Variants in CTBP2 observed in about 807,000 individuals in gnomAD.
CTBP2 encodes C-terminal binding protein 2.
In CTBP2, 30 loss-of-function variants were observed where a neutral mutation model predicts 80.3. The ratio of observed to expected loss-of-function variants is 0.37; its 90% CI spans 0.28 to 0.51. The LOEUF is 0.51. Among genes scored for constraint, CTBP2 ranks in the 20% least tolerant of loss-of-function variants. The pLI, the probability that CTBP2 is intolerant of heterozygous loss-of-function variation, is 0.93. For synonymous variants in CTBP2, 594 were observed against 587.4 expected (o/e 1.01, Z -0.16); for missense variants, 1,212 against 1,375.3 (o/e 0.88, Z 1.88).
At chr10:125,029,398 C>T (rs145354561), upstream of CTBP2, among the ~76,000 whole-genome samples, 333 of 152,176 alleles carry the variant, frequency 2.2e-3, 1 homozygote, top group African/African-American at 7.0e-3. Flanking sequence ...TGCACCACCA[C>T]ACCCAGCTAA....
At chr10:125,023,620 G>A (rs1187517695) in intron 1 of CTBP2, among the ~76,000 whole-genome samples, 1 of 152,164 alleles carries the variant, frequency 6.6e-6, no homozygotes. Context: ...CACCGGGGCT[G>A]GTGGGCCGCA....
chr10:124,984,840 G>C lies in CTBP2; in HGVS notation c.*4678C>G. 6.2e-7 allele frequency: 1 copy of C among 1,613,914 alleles called. No homozygotes were observed. Among genetic ancestry groups the C allele is most frequent in the Middle Eastern group, 1.6e-4 (1 of 6,062 alleles). On this transcript the variant is annotated 3_prime_UTR_variant, in exon 9 of 9. Coordinates refer to ENST00000309035, the MANE Select transcript of CTBP2 (RefSeq NM_022802.3). The stretch of plus-strand genomic sequence containing the variant: ...GCTGGACTGCTGTGTGACGGAGGGG[G>C]GAGTTCTGGTTGCCATGCAGAAGAG...
chr10:124,988,030 GTAGAT>G lies in CTBP2; in HGVS notation c.*1483_*1487del, dbSNP rs899310364. On this transcript the variant is annotated 3_prime_UTR_variant, in exon 9 of 9. Coordinates refer to ENST00000309035, the MANE Select transcript of CTBP2 (RefSeq NM_022802.3). The stretch of plus-strand genomic sequence containing the variant: ...CAGGTCCAGGTCATTTTGCTTTGGG[GTAGAT>G]TAAAGTCAGAACTCTAAAAGTTGAG... 8 of 152,390 alleles carry G rather than the reference GTAGAT, an allele frequency of 5.2e-5. No homozygotes were observed. Among genetic ancestry groups the G allele is most frequent in the African/African-American group, 1.2e-4 (5 of 41,316 alleles). The allele number at this position is 152,390 out of a possible 1,614,324, so 9.4% of individuals were successfully genotyped here. A position where few individuals can be genotyped will look rare whatever the true frequency, so the allele number is the denominator to read the frequency against.
chr10:125,083,180 G>A (rs1418376476), intron 2 of CTBP2, among the ~76,000 whole-genome samples: 2 of 152,192 alleles, frequency 1.3e-5, no homozygotes, highest in African/African-American at 4.8e-5. Flanking sequence ...CTGCCTTCAC[G>A]TCGCAAGTTT....
At chr10:125,128,941 T>C (rs751318374) in intron 1 of CTBP2, among the ~76,000 whole-genome samples, 8 of 152,088 alleles carry the variant, frequency 5.3e-5, no homozygotes, top group Non-Finnish European at 8.8e-5. Flanking sequence ...TGCGGTCGAG[T>C]CATTCAGTGG....
intron 2 of CTBP2, among the ~76,000 whole-genome samples, chr10:125,070,074 G>C (rs1425911441): frequency 1.3e-5 from 2 of 151,748 alleles, no homozygotes; most frequent in African/African-American, 4.8e-5. Flanking sequence ...ATACCGGCTG[G>C]GCACGGGTGG....
Position 124,985,269 on chromosome 10 carries a change from T to TA in CTBP2, c.*4248dup, listed in dbSNP as rs150736900. The TA allele has an allele frequency of 3.7e-3, 1,263 of 338,474 alleles. 16 individuals are homozygous for TA. The highest frequency in any genetic ancestry group is 0.024 in the African/African-American group (1,162 of 47,636). 21.0% of individuals were successfully genotyped at this position (338,474 alleles called of 1,614,324 possible). ...CAAATTGTAAATCTGTCTATAAATG[T>TA]AACGCATGTGGTTGTGTAAGACATT... On this transcript the variant is annotated 3_prime_UTR_variant, in exon 9 of 9. Transcript: ENST00000309035.
chr10:125,003,077 T>A lies in CTBP2; in HGVS notation c.1861A>T (p.Met621Leu). The stretch of plus-strand genomic sequence containing the variant: ...CTGGTGAGGGTGATGGTGTGGTACA[T>A]CATGGCGCCCACGGCTTCGTTTAGA... Residue 621 changes from methionine to leucine, a missense_variant, in exon 3 of 9, where the codon ATG (methionine) becomes TTG (leucine). Coordinates refer to ENST00000309035, the MANE Select transcript of CTBP2 (RefSeq NM_022802.3). 6.2e-7 allele frequency: 1 copy of A among 1,614,024 alleles called. No homozygotes were observed. Among genetic ancestry groups the A allele is most frequent in the South Asian group, 1.1e-5 (1 of 91,084 alleles).
At chr10:125,060,922 G>A (rs1964854043) in intron 2 of CTBP2, among the ~76,000 whole-genome samples, 2 of 152,196 alleles carry the variant, frequency 1.3e-5, no homozygotes, top group South Asian at 2.1e-4. Flanking sequence ...CAACATGCAG[G>A]GTGACACCTG....
intron 4 of CTBP2, chr10:124,996,425 G>A (rs566225748): frequency 6.6e-6 from 1 of 152,378 alleles, no homozygotes; most frequent in Non-Finnish European, 1.5e-5. Flanking sequence ...GAAGGCTACA[G>A]AGACACCTGG....
At position 125,009,572 on chromosome 10, in the gene CTBP2, C is replaced by T. The variant is rs534462842; in HGVS notation, c.1679-6080G>A. On this transcript the variant is annotated intron_variant, in intron 1 of 8. Transcript: ENST00000309035. ...CCGCTTTCTGCAATCCAGCATGACC[C>T]GATCCCCACTGGCTGAGCTCAGCAG... Among the ~76,000 whole-genome samples, 36 of 152,312 alleles carry T rather than the reference C, an allele frequency of 2.4e-4. No homozygotes were observed. The East Asian group carries it at 4.8e-3, about 20-fold the overall frequency.
chr10:125,150,788 G>A (rs1182520926), intron 1 of CTBP2, among the ~76,000 whole-genome samples: 1 of 149,192 alleles, frequency 6.7e-6, no homozygotes, highest in South Asian at 2.1e-4. Context: ...CTCACTTCCT[G>A]CTCTAGGATG....
At position 125,027,603 on chromosome 10, in the gene CTBP2, G is replaced by A. The variant is rs150867595; in HGVS notation, c.157C>T (p.Pro53Ser). Residue 53 changes from proline to serine, a missense_variant, in exon 1 of 9, where the codon CCA (proline) becomes TCA (serine). Around this residue, in one of 3 missense-constraint regions of CTBP2, gnomAD observed 848 missense variants for 782.3 expected, o/e 1.08. Coordinates refer to ENST00000309035, the MANE Select transcript of CTBP2 (RefSeq NM_022802.3). ...GCAGCGTCCTGTGGTCGGTGGTTTG[G>A]CTCAAACCAAGTCCCCTCTGCTGTG... 1,409 of 1,614,022 alleles carry A rather than the reference G, an allele frequency of 8.7e-4. No homozygotes were observed. The highest frequency in any genetic ancestry group is 1.1e-3 in the Non-Finnish European group (1,323 of 1,180,022).
At chr10:125,000,895 G>C (rs146902642) in intron 3 of CTBP2, 1 of 152,274 alleles carries the variant, frequency 6.6e-6, no homozygotes, top group Non-Finnish European at 1.5e-5. Flanking sequence ...CTCATTTTCC[G>C]CCTCCAGAGT....
intron 1 of CTBP2, among the ~76,000 whole-genome samples, chr10:125,119,920 T>C (rs569056092): frequency 1.3e-5 from 2 of 152,344 alleles, no homozygotes; most frequent in African/African-American, 4.8e-5. Flanking sequence ...ACCAACATTG[T>C]AAAGTGGCCC....
intron 2 of CTBP2, among the ~76,000 whole-genome samples, chr10:125,047,134 T>C (rs1961460362): frequency 6.6e-6 from 1 of 152,126 alleles, no homozygotes; most frequent in Admixed American, 6.6e-5. Context: ...TATATTAGTT[T>C]TAATAGTGTT....
At chr10:125,053,818 C>T (rs185311927) in intron 2 of CTBP2, among the ~76,000 whole-genome samples, 7 of 152,252 alleles carry the variant, frequency 4.6e-5, no homozygotes, top group Non-Finnish European at 7.4e-5. Context: ...CACATAGTTC[C>T]GAAGGGCAGG....
At chr10:125,133,468 T>C (rs1335415204) in intron 1 of CTBP2, 1 of 152,200 alleles carries the variant, frequency 6.6e-6, no homozygotes, top group Non-Finnish European at 1.5e-5. Context: ...CATGCAACGA[T>C]CAGGCCAGAA....
chr10:125,066,233 T>G lies in CTBP2; in HGVS notation c.-101-27078A>C, dbSNP rs1033207954. On this transcript the variant is annotated intron_variant, in intron 2 of 10. Transcript: ENST00000337195. This position sits in a 1 kb window ranked among gnomAD's most constrained non-coding sequence, Gnocchi z 4.1. ...CAGCTTCTGTTAACATGGCGATGGC[T>G]AGGCACAGGCAGCCACCCCTCTACC... 2.6e-5 allele frequency among the ~76,000 whole-genome samples: 4 copies of G among 152,016 alleles called. No homozygotes were observed. Among genetic ancestry groups the G allele is most frequent in the African/African-American group, 9.7e-5 (4 of 41,394 alleles).
Sources: allele counts gnomAD v4.1 joint callset (sites outside exome capture counted in the v4.1 genomes callset), GRCh38; gene constraint gnomAD v4.1.1; regional missense constraint gnomAD v4.1.1; non-coding constraint Gnocchi (gnomAD v3.1); transcripts MANE v1.5; gene names NCBI Gene and HGNC (gene_info 2026-07-23, HGNC 2026-07-21).